The following GALNT13 variants were observed in gnomAD, a reference collection of about 807,000 sequenced individuals.
GALNT13 encodes UDP-GalNAc:polypeptide N-acetylgalactosaminyltransferase 13.
In GALNT13, 28 loss-of-function variants were observed where a neutral mutation model predicts 64.2. That is an observed-to-expected ratio of 0.44 (90% CI 0.32 to 0.60). The LOEUF is 0.60. Among genes scored for constraint, GALNT13 ranks in the 20% least tolerant of loss-of-function variants. The probability of loss-of-function intolerance (pLI) is 0.05; values close to 1 mark genes in which losing one functional copy is unlikely to be tolerated. For synonymous variants in GALNT13, 214 were observed against 224.6 expected, an observed-to-expected ratio of 0.95 and a Z score of 0.42; for missense variants, 577 against 669.8, an observed-to-expected ratio of 0.86 and a Z score of 1.53.
chr2:153,621,462 G>A, the GALNT13 span, among the ~76,000 whole-genome samples: 1 of 152,106 alleles, frequency 6.6e-6, no homozygotes, highest in Admixed American at 6.6e-5. Flanking sequence ...TACTGCCAAT[G>A]TTCACTCAAG....
the GALNT13 span, among the ~76,000 whole-genome samples, chr2:153,777,771 G>T: frequency 2.6e-5 from 4 of 152,128 alleles, no homozygotes; most frequent in African/African-American, 4.8e-5. Flanking sequence ...GATGTTTACA[G>T]CTCCTGAAGC....
chr2:153,960,279 C>A (rs1332502064), intron 3 of GALNT13, among the ~76,000 whole-genome samples: 1 of 152,236 alleles, frequency 6.6e-6, no homozygotes, highest in Non-Finnish European at 1.5e-5. Flanking sequence ...CCACTGCCAT[C>A]TTCTGTCTTT....
intron 9 of GALNT13, among the ~76,000 whole-genome samples, chr2:154,368,087 A>T (rs929857420): frequency 1.3e-5 from 2 of 152,200 alleles, no homozygotes; most frequent in Non-Finnish European, 2.9e-5. Context: ...TTTTTAGAAT[A>T]AACATCTATA....
chr2:154,089,745 G>C (rs377317745), intron 3 of GALNT13, among the ~76,000 whole-genome samples: 1 of 151,710 alleles, frequency 6.6e-6, no homozygotes, highest in African/African-American at 2.4e-5. Flanking sequence ...CTAAGATTTA[G>C]CAGAATTTCT....
chr2:153,653,563 C>A, the GALNT13 span, among the ~76,000 whole-genome samples: 1 of 152,006 alleles, frequency 6.6e-6, no homozygotes, highest in Admixed American at 6.6e-5. Flanking sequence ...AAAAACAAGA[C>A]AAGGGCCAAA....
chr2:154,280,256 C>G (rs770365104), intron 8 of GALNT13, among the ~76,000 whole-genome samples: 3 of 152,058 alleles, frequency 2.0e-5, no homozygotes, highest in Non-Finnish European at 4.4e-5. Flanking sequence ...CTTTAATATG[C>G]CCAGTTTTGA....
chr2:153,428,342 G>C, the GALNT13 span, among the ~76,000 whole-genome samples: 1 of 152,064 alleles, frequency 6.6e-6, no homozygotes, highest in Non-Finnish European at 1.5e-5. Flanking sequence ...CATGACAAGA[G>C]AGAGCAAGCA....
At position 154,052,061 on chromosome 2, in the gene GALNT13, A is replaced by T. The variant is rs1462123077; in HGVS notation, c.143-88276A>T. Among the ~76,000 whole-genome samples, 5 of 152,234 alleles carry T rather than the reference A, an allele frequency of 3.3e-5. No homozygotes were observed. The East Asian group carries it at 9.7e-4, about 29-fold the overall frequency. On this transcript the variant is annotated intron_variant, in intron 3 of 12. Coordinates refer to ENST00000392825, the MANE Select transcript of GALNT13 (RefSeq NM_052917.4). ...CTCATGTAAACATTTCAGCTCCCCAAATTCAACCTGACTGCTTGAAAATCT... is the reference window on the plus strand; with the variant it reads ...CTCATGTAAACATTTCAGCTCCCCATATTCAACCTGACTGCTTGAAAATCT...
the GALNT13 span, among the ~76,000 whole-genome samples, chr2:153,433,435 C>CCTT: frequency 0.8 from 121,759 of 151,834 alleles, 49,840 homozygotes; most frequent in African/African-American, 0.88. Context: ...CTTTGGCAAT[C>CCTT]CTCTTATCCT....
At chr2:154,419,275 T>A (rs1700152311) in intron 11 of GALNT13, among the ~76,000 whole-genome samples, 1 of 152,150 alleles carries the variant, frequency 6.6e-6, no homozygotes. Context: ...CTGGCCACAG[T>A]GTTTTCTAGC....
the GALNT13 span, among the ~76,000 whole-genome samples, chr2:153,166,873 G>A: frequency 6.6e-6 from 1 of 152,184 alleles, no homozygotes; most frequent in Non-Finnish European, 1.5e-5. Flanking sequence ...AAGCACTGAA[G>A]GTGACCTGCA....
the GALNT13 span, among the ~76,000 whole-genome samples, chr2:153,143,823 G>T: frequency 2.0e-5 from 3 of 152,000 alleles, no homozygotes; most frequent in Non-Finnish European, 1.5e-5. Flanking sequence ...AAAGTTTGCT[G>T]ATATTATTTA....
chr2:153,691,251 A>G, the GALNT13 span, among the ~76,000 whole-genome samples: 1 of 152,178 alleles, frequency 6.6e-6, no homozygotes, highest in Non-Finnish European at 1.5e-5. Context: ...ACTTATATAA[A>G]GTATAAAAAC....
the GALNT13 span, among the ~76,000 whole-genome samples, chr2:153,345,942 TGCGCCATGAA>T: frequency 6.6e-6 from 1 of 151,890 alleles, no homozygotes; most frequent in Non-Finnish European, 1.5e-5. Context: ...ACTACAGGCA[TGCGCCATGAA>T]GCCCAGCTAA....
chr2:153,166,395 A>G, the GALNT13 span, among the ~76,000 whole-genome samples: 3 of 152,212 alleles, frequency 2.0e-5, no homozygotes, highest in Non-Finnish European at 4.4e-5. Flanking sequence ...CTGTATGGGT[A>G]TAATGAGAAA....
intron 8 of GALNT13, among the ~76,000 whole-genome samples, chr2:154,297,998 T>A (rs1693029719): frequency 6.6e-6 from 1 of 152,106 alleles, no homozygotes; most frequent in South Asian, 2.1e-4. Flanking sequence ...CAAGTAGATG[T>A]ATGGATACAC....
the GALNT13 span, among the ~76,000 whole-genome samples, chr2:153,453,081 C>T: frequency 6.6e-6 from 1 of 152,092 alleles, no homozygotes; most frequent in Non-Finnish European, 1.5e-5. Flanking sequence ...AAGAATGAAA[C>T]TAGACCACTA....
the GALNT13 span, among the ~76,000 whole-genome samples, chr2:153,736,540 G>T: frequency 6.6e-6 from 1 of 152,088 alleles, no homozygotes; most frequent in Non-Finnish European, 1.5e-5. Context: ...CCCTGTCAAT[G>T]CACCAAACTT....
At chr2:153,833,000 A>G in the GALNT13 span, among the ~76,000 whole-genome samples, 2 of 152,170 alleles carry the variant, frequency 1.3e-5, no homozygotes, top group African/African-American at 4.8e-5. Context: ...TTAAATGGGA[A>G]ATTCCAGAAA....
Sources: allele counts gnomAD v4.1 joint callset (sites outside exome capture counted in the v4.1 genomes callset), GRCh38; gene constraint gnomAD v4.1.1; transcripts MANE v1.5; gene names NCBI Gene and HGNC (gene_info 2026-07-23, HGNC 2026-07-21).